The following PRTG variants were observed in gnomAD, a reference collection of about 807,000 sequenced individuals.
The protein encoded by PRTG is protogenin, also known as immunoglobulin superfamily, DCC subclass, member 5.
In PRTG, 67 loss-of-function variants were observed where a neutral mutation model predicts 122.5. The ratio of observed to expected loss-of-function variants is 0.55; its 90% CI spans 0.45 to 0.67. The LOEUF is 0.67. Ranked by LOEUF, PRTG falls within the 30% of genes least tolerant of loss-of-function variation. PRTG has a pLI of 0.00. For synonymous variants in PRTG, 554 were observed against 501.1 expected (o/e 1.11, Z -1.41); for missense variants, 1,435 against 1,415.4 (o/e 1.01, Z -0.22).
At chr15:55,646,544 G>T (rs910842319) in intron 11 of PRTG, among the ~76,000 whole-genome samples, 1 of 147,788 alleles carries the variant, frequency 6.8e-6, no homozygotes, top group African/African-American at 2.5e-5. Context: ...GGATGGTCTC[G>T]ATCTCCTGAC....
intron 2 of PRTG, among the ~76,000 whole-genome samples, chr15:55,731,233 T>C (rs1308914764): frequency 2.1e-5 from 3 of 145,670 alleles, no homozygotes; most frequent in Non-Finnish European, 3.0e-5. Context: ...GCTGGTTACA[T>C]CTCTTCCTAT....
At chr15:55,740,097 C>G (rs1228324611) in intron 2 of PRTG, among the ~76,000 whole-genome samples, 2 of 152,208 alleles carry the variant, frequency 1.3e-5, no homozygotes, top group African/African-American at 4.8e-5. Context: ...CTACATCCAA[C>G]TCTTCATACT....
chr15:55,679,498 T>C, intron 6 of PRTG, 53 bp from the exon 7 acceptor site: 1 of 1,412,602 alleles, frequency 7.1e-7, no homozygotes, highest in Non-Finnish European at 9.8e-7. Context: ...AGGAATGATG[T>C]AAAGGGTCAA....
At chr15:55,731,360 A>T (rs111346538) in intron 2 of PRTG, among the ~76,000 whole-genome samples, 77 of 135,424 alleles carry the variant, frequency 5.7e-4, no homozygotes, top group African/African-American at 2.2e-3. Flanking sequence ...ATTACACCTT[A>T]TCATTCTTTT....
At chr15:55,712,142 A>G (rs1481924143) in intron 2 of PRTG, among the ~76,000 whole-genome samples, 1 of 152,238 alleles carries the variant, frequency 6.6e-6, no homozygotes, top group Non-Finnish European at 1.5e-5. Context: ...ACTGCATCCT[A>G]GCCTTTTAAA....
chr15:55,666,117 T>C (rs2059438099), intron 11 of PRTG, among the ~76,000 whole-genome samples: 2 of 152,330 alleles, frequency 1.3e-5, no homozygotes, highest in South Asian at 4.1e-4. Flanking sequence ...CTGAAATTTG[T>C]TTCCTCAGTT....
chr15:55,691,220 T>TGGGA (rs1421396405), intron 2 of PRTG, among the ~76,000 whole-genome samples: 2 of 140,468 alleles, frequency 1.4e-5, no homozygotes, highest in East Asian at 4.3e-4. Context: ...TGCTTGAACC[T>TGGGA]GGGAGGTGGA....
intron 12 of PRTG, 69 bp downstream of exon 12, chr15:55,641,044 C>T (rs1170713885): frequency 1.9e-6 from 2 of 1,065,048 alleles, no homozygotes; most frequent in Middle Eastern, 2.0e-4. Context: ...GAGACTGTAA[C>T]TTAAAGGAGG....
intron 4 of PRTG, chr15:55,681,473 T>G (rs2059537532): frequency 6.6e-6 from 1 of 152,108 alleles, no homozygotes; most frequent in Non-Finnish European, 1.5e-5. Context: ...ATGAAATATC[T>G]ATTTCTTTAT....
rs1463232024 is a variant in PRTG at position 55,615,796 on chromosome 15, T to C, written c.*4216A>G. The C allele has an allele frequency of 6.6e-6, 1 of 152,128 alleles. No homozygotes were observed. Among genetic ancestry groups the C allele is most frequent in the Non-Finnish European group, 1.5e-5 (1 of 67,970 alleles). 9.4% of individuals were successfully genotyped at this position (152,128 alleles called of 1,614,324 possible). A position where few individuals can be genotyped will look rare whatever the true frequency, so the allele number is the denominator to read the frequency against. On this transcript the variant is annotated 3_prime_UTR_variant, in exon 20 of 20. Coordinates refer to ENST00000389286, the MANE Select transcript of PRTG (RefSeq NM_173814.6). ...ATGTATATAAGTGAACCACTATAGC[T>C]ACTGCTGAAGTGAAACCACATCTGG...
intron 11 of PRTG, among the ~76,000 whole-genome samples, chr15:55,661,607 A>G (rs1201219503): frequency 6.6e-6 from 1 of 152,170 alleles, no homozygotes; most frequent in Non-Finnish European, 1.5e-5. Flanking sequence ...GCAGGAAGAC[A>G]AAATGCATGC....
intron 11 of PRTG, among the ~76,000 whole-genome samples, chr15:55,672,233 C>A (rs1410472982): frequency 6.6e-6 from 1 of 152,166 alleles, no homozygotes; most frequent in Admixed American, 6.5e-5. Context: ...TAGAAAGATA[C>A]AATGGCTGCC....
At position 55,726,403 on chromosome 15, in the gene PRTG, G is replaced by A. The variant is rs140722061; in HGVS notation, c.397+13979C>T. Among the ~76,000 whole-genome samples the A allele has an allele frequency of 3.4e-3, 516 of 152,134 alleles. 2 individuals are homozygous for A. The highest frequency in any genetic ancestry group is 5.8e-3 in the Admixed American group (89 of 15,282). Reference sequence around the variant, plus strand: ...AGAGACTAACTTTAGATCCAAAGACGCAAATAGATAGAATGGAAAAAGGTA... The same window carrying A: ...AGAGACTAACTTTAGATCCAAAGACACAAATAGATAGAATGGAAAAAGGTA... On this transcript the variant is annotated intron_variant, in intron 2 of 19. Coordinates refer to ENST00000389286, the MANE Select transcript of PRTG (RefSeq NM_173814.6).
chr15:55,679,544 G>A, intron 6 of PRTG, 99 bp from the exon 7 acceptor site: 1 of 834,462 alleles, frequency 1.2e-6, no homozygotes, highest in Non-Finnish European at 1.8e-6. Flanking sequence ...CCCCATTCCT[G>A]AAGATGCCTG....
At chr15:55,644,636 A>G (rs867342983) in intron 11 of PRTG, among the ~76,000 whole-genome samples, 2 of 152,112 alleles carry the variant, frequency 1.3e-5, no homozygotes, top group South Asian at 4.2e-4. Flanking sequence ...ACAGACTCAC[A>G]TAAGCCCCAT....
intron 2 of PRTG, among the ~76,000 whole-genome samples, chr15:55,713,020 G>C (rs1478283990): frequency 6.6e-6 from 1 of 152,084 alleles, no homozygotes; most frequent in Non-Finnish European, 1.5e-5. Context: ...ATTTGTTCCA[G>C]AATTTTCAAA....
At chr15:55,734,062 AAG>A (rs2031330130) in intron 2 of PRTG, among the ~76,000 whole-genome samples, 1 of 152,190 alleles carries the variant, frequency 6.6e-6, no homozygotes, top group Non-Finnish European at 1.5e-5. Flanking sequence ...TCACAACTGG[AAG>A]AGAGTCTATC....
chr15:55,706,359 G>C (rs2030116564), intron 2 of PRTG, among the ~76,000 whole-genome samples: 1 of 151,838 alleles, frequency 6.6e-6, no homozygotes, highest in South Asian at 2.1e-4. Flanking sequence ...GAGTAGTCCA[G>C]GCAGAAGGTG....
chr15:55,713,619 T>C (rs2030480113), intron 2 of PRTG, among the ~76,000 whole-genome samples: 1 of 152,206 alleles, frequency 6.6e-6, no homozygotes, highest in Non-Finnish European at 1.5e-5. Flanking sequence ...TTTTGTCAAT[T>C]TACTGGATGT....
Sources: allele counts gnomAD v4.1 joint callset (sites outside exome capture counted in the v4.1 genomes callset), GRCh38; gene constraint gnomAD v4.1.1; transcripts MANE v1.5; gene names NCBI Gene and HGNC (gene_info 2026-07-23, HGNC 2026-07-21).